TENM2: variants seen among roughly 807,000 people sequenced by gnomAD.
TENM2 encodes teneurin-2.
Under a neutral mutation model 245.2 loss-of-function variants are expected in TENM2, and 52 were observed. The ratio of observed to expected loss-of-function variants is 0.21; its 90% CI spans 0.17 to 0.27. The LOEUF (loss-of-function observed/expected upper bound fraction) is 0.27. Among genes scored for constraint, TENM2 ranks in the 10% least tolerant of loss-of-function variants. TENM2 has a pLI of 1.00. For synonymous variants in TENM2, 1,363 were observed against 1,438.9 expected (o/e 0.95, Z 1.19); for missense variants, 3,046 against 3,666.8 (o/e 0.83, Z 4.37).
intron 4 of TENM2, among the ~76,000 whole-genome samples, chr5:167,989,880 G>A (rs1158168625): frequency 6.6e-6 from 1 of 152,162 alleles, no homozygotes; most frequent in African/African-American, 2.4e-5. Flanking sequence ...GCTGTGAAAT[G>A]TAGAAGACAA....
the TENM2 span, among the ~76,000 whole-genome samples, chr5:167,145,253 T>A: frequency 3.3e-5 from 5 of 152,228 alleles, no homozygotes; most frequent in Non-Finnish European, 7.3e-5. Context: ...TATTACTCAA[T>A]CAGCGCAGAG....
intron 1 of TENM2, among the ~76,000 whole-genome samples, chr5:167,316,369 T>C (rs921105086): frequency 6.6e-6 from 1 of 152,172 alleles, no homozygotes; most frequent in Non-Finnish European, 1.5e-5. Context: ...TCAATGACCA[T>C]TCCAGTGCAG....
At chr5:167,242,933 A>G in the TENM2 span, among the ~76,000 whole-genome samples, 1 of 152,178 alleles carries the variant, frequency 6.6e-6, no homozygotes, top group African/African-American at 2.4e-5. Context: ...TAGGAGGCCA[A>G]AAACGCAAAA....
At chr5:168,066,534 C>A (rs1790521752) in intron 7 of TENM2, among the ~76,000 whole-genome samples, 1 of 152,188 alleles carries the variant, frequency 6.6e-6, no homozygotes, top group Non-Finnish European at 1.5e-5. Flanking sequence ...CTGCTACTCA[C>A]CAGCAGCATT....
chr5:167,196,496 ATGTGTATATATATGTG>A, the TENM2 span, among the ~76,000 whole-genome samples: 1 of 131,364 alleles, frequency 7.6e-6, no homozygotes, highest in Non-Finnish European at 1.5e-5. Context: ...GTATATATAT[ATGTGTATATATATGTG>A]TGTGTATATA....
intron 2 of TENM2, among the ~76,000 whole-genome samples, chr5:167,794,403 G>A (rs1420740648): frequency 2.0e-5 from 3 of 152,214 alleles, no homozygotes; most frequent in East Asian, 3.8e-4. Context: ...GTCATCAGTA[G>A]CAATTCCTCT....
intron 2 of TENM2, among the ~76,000 whole-genome samples, chr5:167,449,118 G>A (rs1467449446): frequency 1.1e-4 from 16 of 152,048 alleles, no homozygotes; most frequent in Non-Finnish European, 1.5e-5. Flanking sequence ...ATTGTAATGT[G>A]GCCAATTTAG....
Position 167,292,360 on chromosome 5 carries a change from G to A in TENM2, c.226+7297G>A, listed in dbSNP as rs150989769. Among the ~76,000 whole-genome samples, 799 of 152,226 alleles carry A rather than the reference G, an allele frequency of 5.2e-3. 5 individuals carry two copies. Among genetic ancestry groups the A allele is most frequent in the Non-Finnish European group, 8.4e-3 (568 of 68,010 alleles). On this transcript the variant is annotated intron_variant, in intron 1 of 28. Coordinates refer to ENST00000518659, the Ensembl canonical transcript of TENM2. Reference sequence around the variant, plus strand: ...CTTTGGGGAATGGTATCACAGCCTTGCATTTTAGATAAAGTCTTCCAAGCC... The same window carrying A: ...CTTTGGGGAATGGTATCACAGCCTTACATTTTAGATAAAGTCTTCCAAGCC...
the TENM2 span, among the ~76,000 whole-genome samples, chr5:167,013,132 T>C: frequency 6.6e-6 from 1 of 152,174 alleles, no homozygotes; most frequent in African/African-American, 2.4e-5. Context: ...TCATTGTAAC[T>C]ATGTCTTTAA....
At chr5:167,582,013 G>T (rs948208613) in intron 2 of TENM2, among the ~76,000 whole-genome samples, 1 of 152,072 alleles carries the variant, frequency 6.6e-6, no homozygotes, top group Admixed American at 6.6e-5. Context: ...AGGAGAGTTG[G>T]AAAATAAATA....
chr5:167,207,504 C>T, the TENM2 span, among the ~76,000 whole-genome samples: 1 of 152,076 alleles, frequency 6.6e-6, no homozygotes, highest in Non-Finnish European at 1.5e-5. Context: ...CTGTGTGGAC[C>T]ATATGAAACA....
chr5:167,385,944 T>A, intron 2 of TENM2, among the ~76,000 whole-genome samples: 1 of 151,458 alleles, frequency 6.6e-6, no homozygotes, highest in East Asian at 1.9e-4. Flanking sequence ...GCATTTGGGT[T>A]GGTTCCACGT....
chr5:167,029,722 G>A, the TENM2 span, among the ~76,000 whole-genome samples: 4 of 152,196 alleles, frequency 2.6e-5, no homozygotes, highest in Non-Finnish European at 5.9e-5. Context: ...TGTGCCAGGG[G>A]CCATGGTCAG....
intron 2 of TENM2, among the ~76,000 whole-genome samples, chr5:167,680,128 C>T (rs759592986): frequency 3.9e-5 from 6 of 152,026 alleles, no homozygotes; most frequent in Non-Finnish European, 7.4e-5. Context: ...TGCAGCTGAA[C>T]TATTTAATTC....
chr5:168,181,857 A>G (rs1054787178), intron 13 of TENM2, among the ~76,000 whole-genome samples: 2 of 151,698 alleles, frequency 1.3e-5, no homozygotes, highest in Non-Finnish European at 2.9e-5. Context: ...TTGTATTTTT[A>G]GTAGAGACGG....
At chr5:167,657,403 T>G (rs932368873) in intron 2 of TENM2, among the ~76,000 whole-genome samples, 1 of 152,234 alleles carries the variant, frequency 6.6e-6, no homozygotes, top group Non-Finnish European at 1.5e-5. Context: ...CCTATGTTGA[T>G]TCCCTATCTT....
At chr5:167,123,444 G>A in the TENM2 span, among the ~76,000 whole-genome samples, 2 of 152,170 alleles carry the variant, frequency 1.3e-5, no homozygotes, top group African/African-American at 2.4e-5. Flanking sequence ...TCTATGAACA[G>A]TCAGACTCTG....
chr5:168,233,924 G>T (rs1765178367), intron 25 of TENM2, among the ~76,000 whole-genome samples: 1 of 152,140 alleles, frequency 6.6e-6, no homozygotes, highest in Non-Finnish European at 1.5e-5. Context: ...GCACGGGAAA[G>T]ATCGGCCCCC....
intron 2 of TENM2, among the ~76,000 whole-genome samples, chr5:167,479,070 C>G (rs908862808): frequency 5.3e-5 from 8 of 151,782 alleles, no homozygotes; most frequent in African/African-American, 1.9e-4. Flanking sequence ...CAGTTTGGAA[C>G]TAAATTGAGT....
Sources: gnomAD v4.1 joint callset for allele counts (sites outside exome capture counted in the v4.1 genomes callset) on GRCh38, gnomAD v4.1.1 for gene constraint, MANE v1.5 for transcripts, NCBI Gene and HGNC (gene_info 2026-07-23, HGNC 2026-07-21) for gene names.